ARHGEF3: variants seen among roughly 807,000 people sequenced by gnomAD.
ARHGEF3 encodes 59.8 kDA protein.
ARHGEF3 carries 28 observed loss-of-function variants against 63.2 expected under a neutral mutation model. The observed-to-expected ratio is 0.44, with a 90% confidence interval of 0.33 to 0.61. The LOEUF is 0.61. ARHGEF3 is among the 20% of genes least tolerant of loss of function. The pLI is 0.03. For missense variants in ARHGEF3, 533 were observed against 659.3 expected, an observed-to-expected ratio of 0.81 and a Z score of 2.10; for synonymous variants, 266 against 254.2, an observed-to-expected ratio of 1.05 and a Z score of -0.44.
chr3:56,876,492 G>A, intron 4 of ARHGEF3, among the ~76,000 whole-genome samples: 1 of 152,118 alleles, frequency 6.6e-6, no homozygotes, highest in East Asian at 1.9e-4. Context: ...GGAAGAGAGG[G>A]AAGGGGTGAG....
intron 1 of ARHGEF3, chr3:57,073,632 A>T: frequency 3.9e-6 from 6 of 1,541,130 alleles, no homozygotes; most frequent in Non-Finnish European, 5.2e-6. Context: ...CTCCTCAGGG[A>T]TTGGCTCCGG....
Position 56,737,287 on chromosome 3 carries a change from A to G in ARHGEF3, c.939T>C (p.Tyr313=). 2 of 1,613,266 alleles carry G rather than the reference A, an allele frequency of 1.2e-6. No homozygotes were observed. Among genetic ancestry groups the G allele is most frequent in the South Asian group, 1.1e-5 (1 of 91,070 alleles). The part of the protein sequence containing the change: ...TKTGESECRY[Y]KERLLYLEEG... ...CTTCCAAGTAAAGAAGCCGCTCTTTATAATAGCGGCATTCAGATTCACCAG... is the reference window on the plus strand; with the variant it reads ...CTTCCAAGTAAAGAAGCCGCTCTTTGTAATAGCGGCATTCAGATTCACCAG... The change falls in exon 8 of 10, where the codon TAT becomes TAC. Residue 313 remains tyrosine (Y), a synonymous_variant. Coordinates refer to ENST00000296315, the MANE Select transcript of ARHGEF3 (RefSeq NM_019555.3).
chr3:56,933,876 A>G (rs547101041), intron 3 of ARHGEF3, among the ~76,000 whole-genome samples: 1 of 152,306 alleles, frequency 6.6e-6, no homozygotes, highest in African/African-American at 2.4e-5. Context: ...AGGTGATTGG[A>G]TCATGGGGGC....
At chr3:56,939,181 G>A (rs1405008044) in intron 3 of ARHGEF3, among the ~76,000 whole-genome samples, 7 of 152,148 alleles carry the variant, frequency 4.6e-5, no homozygotes, top group African/African-American at 1.7e-4. Context: ...CAACCTCCAC[G>A]CAAGAGGCTT....
At chr3:56,829,638 G>A (rs2038859131) in intron 4 of ARHGEF3, among the ~76,000 whole-genome samples, 1 of 152,172 alleles carries the variant, frequency 6.6e-6, no homozygotes, top group South Asian at 2.1e-4. Flanking sequence ...ACAGAACCTT[G>A]ACACTCTTTT....
At chr3:56,861,319 G>A (rs946502575) in intron 4 of ARHGEF3, among the ~76,000 whole-genome samples, 1 of 152,132 alleles carries the variant, frequency 6.6e-6, no homozygotes, top group Non-Finnish European at 1.5e-5. Context: ...CTTTGAAGAA[G>A]TCAAAGGATG....
chr3:56,788,697 T>C (rs554212708), intron 1 of ARHGEF3, among the ~76,000 whole-genome samples: 13 of 152,064 alleles, frequency 8.5e-5, no homozygotes, highest in Non-Finnish European at 1.5e-4. Flanking sequence ...GCATGTCAGG[T>C]GGGAGCCGGC....
chr3:56,807,586 T>C (rs544802775), intron 4 of ARHGEF3, among the ~76,000 whole-genome samples: 20 of 152,224 alleles, frequency 1.3e-4, no homozygotes, highest in African/African-American at 4.8e-4. Flanking sequence ...CCCCTCCCCT[T>C]CCATTTGGGT....
chr3:57,007,005 G>A (rs367661718), intron 2 of ARHGEF3, among the ~76,000 whole-genome samples: 190 of 152,276 alleles, frequency 1.2e-3, no homozygotes, highest in African/African-American at 4.4e-3. Flanking sequence ...GGTTCTGCCC[G>A]TGGAGGGGCC....
intron 2 of ARHGEF3, among the ~76,000 whole-genome samples, chr3:56,965,649 T>G: frequency 8.2e-6 from 1 of 121,968 alleles, no homozygotes; most frequent in East Asian, 1.9e-4. Context: ...TACATTCTTT[T>G]TTTTTTTTTT....
At chr3:56,729,991 G>A (rs567408720) in intron 9 of ARHGEF3, among the ~76,000 whole-genome samples, 1 of 152,180 alleles carries the variant, frequency 6.6e-6, no homozygotes, top group African/African-American at 2.4e-5. Flanking sequence ...AGGCTGAAGT[G>A]GGAGCACTGC....
chr3:56,953,022 G>C (rs1472020533), intron 3 of ARHGEF3, among the ~76,000 whole-genome samples: 1 of 152,148 alleles, frequency 6.6e-6, no homozygotes, highest in African/African-American at 2.4e-5. Flanking sequence ...AAATAGCAGG[G>C]GTGGGGCTCT....
At chr3:56,966,203 C>A (rs984867195) in intron 2 of ARHGEF3, among the ~76,000 whole-genome samples, 1 of 152,056 alleles carries the variant, frequency 6.6e-6, no homozygotes, top group Admixed American at 6.6e-5. Flanking sequence ...AGGTATAGGG[C>A]CTGGGTTGGA....
chr3:56,892,283 A>G (rs1265026284), intron 3 of ARHGEF3, among the ~76,000 whole-genome samples: 1 of 152,204 alleles, frequency 6.6e-6, no homozygotes, highest in Non-Finnish European at 1.5e-5. Flanking sequence ...GCATCGATCT[A>G]AGGTGGGAGA....
At chr3:56,945,192 G>A (rs1699418521) in intron 3 of ARHGEF3, among the ~76,000 whole-genome samples, 1 of 152,282 alleles carries the variant, frequency 6.6e-6, no homozygotes, top group African/African-American at 2.4e-5. Flanking sequence ...CAGCATGAGT[G>A]ATGCAGAAGA....
At chr3:56,788,221 C>T (rs543330005) in intron 1 of ARHGEF3, among the ~76,000 whole-genome samples, 1 of 152,270 alleles carries the variant, frequency 6.6e-6, no homozygotes, top group East Asian at 1.9e-4. Context: ...GGCGGGCATC[C>T]AGCATCAGGG....
At chr3:56,792,138 GAAAAGAAAAT>G (rs796304692) in intron 1 of ARHGEF3, among the ~76,000 whole-genome samples, 3,691 of 147,802 alleles carry the variant, frequency 0.025, 178 homozygotes, top group African/African-American at 0.087. Flanking sequence ...GAAAAGAAAA[GAAAAGAAAAT>G]AACTGACTAC....
At chr3:57,057,535 A>G (rs901871566) in intron 1 of ARHGEF3, among the ~76,000 whole-genome samples, 51 of 152,262 alleles carry the variant, frequency 3.3e-4, no homozygotes, top group African/African-American at 1.1e-3. Flanking sequence ...CTGGTAGGGT[A>G]GAGTCTGAGC....
intron 3 of ARHGEF3, among the ~76,000 whole-genome samples, chr3:56,910,335 G>A (rs931684020): frequency 6.6e-6 from 1 of 152,210 alleles, no homozygotes; most frequent in African/African-American, 2.4e-5. Context: ...GCAGAATCCA[G>A]CACAAAGATG....
Sources: allele counts gnomAD v4.1 joint callset (sites outside exome capture counted in the v4.1 genomes callset), GRCh38; gene constraint gnomAD v4.1.1; transcripts MANE v1.5; gene names NCBI Gene and HGNC (gene_info 2026-07-23, HGNC 2026-07-21).